Variants in FANCD2 observed in about 807,000 individuals in gnomAD.
FANCD2 encodes the protein Fanconi anemia group D2 protein.
Under a neutral mutation model 192.3 loss-of-function variants are expected in FANCD2, and 131 were observed. That is an observed-to-expected ratio of 0.68 (90% CI 0.59 to 0.79). The LOEUF (loss-of-function observed/expected upper bound fraction) is 0.79. Among genes scored for constraint, FANCD2 ranks in the 30% least tolerant of loss-of-function variants. The probability of loss-of-function intolerance (pLI) is 0.00; values close to 1 mark genes in which losing one functional copy is unlikely to be tolerated. For synonymous variants in FANCD2, 524 were observed against 612.5 expected (o/e 0.86, Z 2.13); for missense variants, 1,508 against 1,701.6 (o/e 0.89, Z 2.00).
At chr3:10,090,155 C>T (rs1457438440) in intron 36 of FANCD2, 137 bp from the exon 37 acceptor site, 1 of 679,654 alleles carries the variant, frequency 1.5e-6, no homozygotes, top group South Asian at 1.5e-5. Context: ...TCCGCTCCCC[C>T]ATCCTCTTAC....
chr3:10,082,131 C>T (rs1304511596), intron 32 of FANCD2, among the ~76,000 whole-genome samples: 2 of 152,208 alleles, frequency 1.3e-5, no homozygotes, highest in African/African-American at 4.8e-5. Context: ...ATATGTCATC[C>T]CTAGCATGCT....
chr3:10,049,276 T>C, intron 16 of FANCD2, 98 bp from the exon 17 acceptor site: 1 of 1,285,106 alleles, frequency 7.8e-7, no homozygotes, highest in Non-Finnish European at 1.1e-6. Flanking sequence ...ATTGTGATTT[T>C]AACAAAGTAG....
intron 17 of FANCD2, among the ~76,000 whole-genome samples, chr3:10,050,759 T>C (rs1249230375): frequency 1.3e-5 from 2 of 151,550 alleles, no homozygotes; most frequent in Non-Finnish European, 2.9e-5. Flanking sequence ...GCTTAAAGGA[T>C]GTCAGGTAGC....
At chr3:10,070,546 A>G (rs1693169197) in intron 26 of FANCD2, among the ~76,000 whole-genome samples, 3 of 136,336 alleles carry the variant, frequency 2.2e-5, no homozygotes, top group African/African-American at 5.8e-5. Context: ...CCCGTCCGGG[A>G]GGTGAGGGGC....
chr3:10,086,950 T>C (rs1694242392), intron 33 of FANCD2, among the ~76,000 whole-genome samples, 184 bp from the exon 34 acceptor site: 1 of 152,202 alleles, frequency 6.6e-6, no homozygotes, highest in African/African-American at 2.4e-5. Flanking sequence ...GCTTTTTCCA[T>C]ACAAAGGTAT....
At chr3:10,073,428 T>C in intron 28 of FANCD2, 66 bp downstream of exon 28, 7 of 1,224,972 alleles carry the variant, frequency 5.7e-6, no homozygotes, top group African/African-American at 1.5e-5. Flanking sequence ...AAACCCAGCT[T>C]TATTCTCGGC....
intron 9 of FANCD2, chr3:10,041,089 G>A (rs1055127410): frequency 4.2e-5 from 7 of 167,978 alleles, no homozygotes; most frequent in African/African-American, 1.7e-4. Flanking sequence ...AGCTACTCAG[G>A]AGGCTGAGAT....
At chr3:10,075,098 T>C (rs1324153002) in intron 29 of FANCD2, among the ~76,000 whole-genome samples, 2 of 152,196 alleles carry the variant, frequency 1.3e-5, no homozygotes, top group African/African-American at 2.4e-5. Context: ...CAGTAGTACA[T>C]AGAGCATCAT....
At chr3:10,072,381 C>T (rs1365287030) in intron 26 of FANCD2, among the ~76,000 whole-genome samples, 1 of 151,150 alleles carries the variant, frequency 6.6e-6, no homozygotes, top group Non-Finnish European at 1.5e-5. Flanking sequence ...TGGGTTCAAG[C>T]AATTCTCCTG....
intron 20 of FANCD2, among the ~76,000 whole-genome samples, chr3:10,063,265 T>C (rs1230645489): frequency 6.6e-6 from 1 of 152,044 alleles, no homozygotes. Context: ...TGAAATCCCA[T>C]CTCTAATAAA....
Position 10,054,428 on chromosome 3 carries a change from T to TGTATATAC in FANCD2, c.1656+1932_1656+1939dup, listed in dbSNP as rs200276130. Among the ~76,000 whole-genome samples, 386 of 77,180 alleles carry TGTATATAC rather than the reference T, an allele frequency of 5.0e-3. 6 individuals are homozygous for TGTATATAC. Among genetic ancestry groups the TGTATATAC allele is most frequent in the African/African-American group, 0.024 (232 of 9,584 alleles). The allele number at this position is 77,180 out of a possible 152,430, so 50.6% of individuals were successfully genotyped here. A position where few individuals can be genotyped will look rare whatever the true frequency, so the allele number is the denominator to read the frequency against. Reference sequence around the variant, plus strand: ...GTATATACGTATATACATATATACATGTATATACATGTATATACATATATA... The same window carrying TGTATATAC: ...GTATATACGTATATACATATATACATGTATATACGTATATACATGTATATACATATATA... On this transcript the variant is annotated intron_variant, in intron 18 of 43. Coordinates refer to ENST00000675286, the MANE Select transcript of FANCD2 (RefSeq NM_001018115.3).
At chr3:10,051,410 AAAAGGAGT>A (rs1448776071) in intron 17 of FANCD2, among the ~76,000 whole-genome samples, 9,339 of 28,816 alleles carry the variant, frequency 0.32, 2,187 homozygotes, top group African/African-American at 0.44. Context: ...AAAAAAAACA[AAAAGGAGT>A]GAGGGATTTA....
intron 18 of FANCD2, among the ~76,000 whole-genome samples, chr3:10,053,929 G>A (rs868281843): frequency 1.3e-5 from 2 of 152,076 alleles, no homozygotes; most frequent in Non-Finnish European, 2.9e-5. Context: ...GTTTGTGGGC[G>A]CCATTCACTG....
intron 2 of FANCD2, chr3:10,032,168 T>C (rs1175608507): frequency 4.4e-6 from 1 of 225,080 alleles, no homozygotes; most frequent in African/African-American, 2.4e-5. Context: ...TTAATAAGCT[T>C]CCCAGGGATT....
intron 30 of FANCD2, among the ~76,000 whole-genome samples, chr3:10,080,138 C>T (rs1441108302): frequency 6.6e-6 from 1 of 152,088 alleles, no homozygotes; most frequent in African/African-American, 2.4e-5. Flanking sequence ...TTGTCTTGAT[C>T]TCTTGACCTC....
chr3:10,067,017 G>T (rs2087739010), intron 25 of FANCD2, among the ~76,000 whole-genome samples, 192 bp from the exon 26 acceptor site: 1 of 152,126 alleles, frequency 6.6e-6, no homozygotes, highest in South Asian at 2.1e-4. Flanking sequence ...GAGCCACCAC[G>T]CCTGGCTGAA....
chr3:10,055,672 C>T (rs1453230407), intron 18 of FANCD2, among the ~76,000 whole-genome samples: 11 of 151,920 alleles, frequency 7.2e-5, no homozygotes, highest in South Asian at 2.1e-4. Flanking sequence ...ATTAGCTGGA[C>T]GTGGTGGCAG....
In FANCD2 at chr3:10,101,196, A is replaced by G. The variant is rs1323542056; in HGVS notation, c.4290A>G (p.Glu1430=). The G allele has an allele frequency of 1.2e-6, 2 of 1,612,700 alleles. No homozygotes were observed. The highest frequency in any genetic ancestry group is 1.1e-5 in the South Asian group (1 of 91,040). Residue 1430 remains glutamate (E), a synonymous_variant, in exon 44 of 44, where the codon GAA becomes GAG. Coordinates refer to ENST00000675286, the MANE Select transcript of FANCD2 (RefSeq NM_001018115.3). ...TATTCTTTGCCCCTTAGGATGGTGA[A>G]GAAGACGAAGTAAGTGCTGGAGAAA... The part of the protein sequence containing the change: ...ASKSKATEDG[E]EDEVSAGEKE...
intron 38 of FANCD2, among the ~76,000 whole-genome samples, chr3:10,092,582 C>G (rs1027389277): frequency 6.6e-6 from 1 of 151,844 alleles, no homozygotes; most frequent in Non-Finnish European, 1.5e-5. Flanking sequence ...TGAATGCCCT[C>G]GTTCTCCTTT....
Sources: gnomAD v4.1 joint callset for allele counts (sites outside exome capture counted in the v4.1 genomes callset) on GRCh38, gnomAD v4.1.1 for gene constraint, MANE v1.5 for transcripts, NCBI Gene and HGNC (gene_info 2026-07-23, HGNC 2026-07-21) for gene names.